The following PTPRO variants were observed in gnomAD, a reference collection of about 807,000 sequenced individuals.
PTPRO encodes the protein receptor-type tyrosine-protein phosphatase O.
PTPRO carries 62 observed loss-of-function variants against 145.2 expected under a neutral mutation model. That is an observed-to-expected ratio of 0.43 (90% CI 0.35 to 0.53). The LOEUF is 0.53. Ranked by LOEUF, PTPRO falls within the 20% of genes least tolerant of loss-of-function variation. The pLI, the probability that PTPRO is intolerant of heterozygous loss-of-function variation, is 0.01. For synonymous variants in PTPRO, 565 were observed against 514.7 expected (o/e 1.10, Z -1.32); for missense variants, 1,345 against 1,482.7 (o/e 0.91, Z 1.53).
chr12:15,458,699 C>A (rs575686950), intron 1 of PTPRO, among the ~76,000 whole-genome samples: 27 of 151,294 alleles, frequency 1.8e-4, no homozygotes, highest in African/African-American at 6.1e-4. Context: ...TCTTGGTAGT[C>A]TTTTTTAATG....
chr12:15,517,142 T>A lies in PTPRO; in HGVS notation c.1779+186T>A. On this transcript the variant is annotated intron_variant, in intron 9 of 26. Transcript: ENST00000281171. Reference sequence around the variant, plus strand: ...CTGAGCAATTTACAAAAGAAAGAAGTTTAATTGGACTTACAGTTCCACGTG... The same window carrying A: ...CTGAGCAATTTACAAAAGAAAGAAGATTAATTGGACTTACAGTTCCACGTG... 4.4e-6 allele frequency: 3 copies of A among 677,664 alleles called. No individual in the cohort carries two copies. In the Admixed American group the frequency reaches 7.2e-5, roughly 16 times the overall value. 42.0% of individuals were successfully genotyped at this position (677,664 alleles called of 1,614,324 possible).
intron 1 of PTPRO, among the ~76,000 whole-genome samples, chr12:15,391,353 C>A (rs1939184903): frequency 6.6e-6 from 1 of 152,196 alleles, no homozygotes; most frequent in Admixed American, 6.5e-5. Context: ...TATTTATAAT[C>A]TCCCTTCTTT....
intron 1 of PTPRO, among the ~76,000 whole-genome samples, chr12:15,326,347 C>G (rs1190779261): frequency 6.6e-6 from 1 of 152,192 alleles, no homozygotes; most frequent in Non-Finnish European, 1.5e-5. Flanking sequence ...TGTGACATCC[C>G]CAGTAGGTTG....
intron 12 of PTPRO, among the ~76,000 whole-genome samples, chr12:15,532,776 C>T (rs533243420): frequency 1.3e-5 from 2 of 152,300 alleles, no homozygotes; most frequent in South Asian, 4.1e-4. Context: ...ACTCTGACCT[C>T]TGTGGGTGTA....
At chr12:15,438,384 T>A (rs1182563774) in intron 1 of PTPRO, among the ~76,000 whole-genome samples, 1 of 151,728 alleles carries the variant, frequency 6.6e-6, no homozygotes, top group Non-Finnish European at 1.5e-5. Context: ...TCAGAAATAA[T>A]AAATAAAAAT....
At chr12:15,465,089 T>A (rs778501826) in intron 1 of PTPRO, among the ~76,000 whole-genome samples, 9 of 152,214 alleles carry the variant, frequency 5.9e-5, no homozygotes, top group Non-Finnish European at 1.0e-4. Context: ...ACAGCATGAT[T>A]TATATAAATG....
intron 12 of PTPRO, among the ~76,000 whole-genome samples, chr12:15,531,173 A>C (rs2136538425): frequency 6.6e-6 from 1 of 152,224 alleles, no homozygotes; most frequent in Admixed American, 6.5e-5. Context: ...GAACAAGAAA[A>C]CCTTAATGAA....
chr12:15,556,705 T>C lies in PTPRO; in HGVS notation c.2559-750T>C, dbSNP rs59592828. ...AAACAATCCACTTGATCCACTATCA[T>C]TGTAGGGAGGAAATCAAAATGCCAT... On this transcript the variant is annotated intron_variant, in intron 15 of 26. Transcript: ENST00000281171. Among the ~76,000 whole-genome samples the C allele has an allele frequency of 1.4e-3, 209 of 152,236 alleles. 2 individuals are homozygous for C. The East Asian group carries it at 0.038, about 28-fold the overall frequency.
In PTPRO at chr12:15,374,158, A is replaced by G. The variant is rs1044971449; in HGVS notation, c.75+51357A>G. Among the ~76,000 whole-genome samples, 4 of 152,326 alleles carry G rather than the reference A, an allele frequency of 2.6e-5. No homozygotes were observed. In the East Asian group the frequency reaches 5.8e-4, roughly 22 times the overall value. On this transcript the variant is annotated intron_variant, in intron 1 of 26. Transcript: ENST00000281171. ...TGGCACAGAAAAATTTCAAGGCAAG[A>G]GTAATATCCATAGGAAGCACTTAAC...
chr12:15,508,645 A>C lies in PTPRO; in HGVS notation c.1342A>C (p.Thr448Pro), dbSNP rs1439183075. 6.2e-7 allele frequency: 1 copy of C among 1,614,110 alleles called. No homozygotes were observed. ...GAGTGTCCACGTTTTAAGCTCAACC[A>C]CTGCCTTGATGTCCTGGACATCTTC... is the stretch of plus-strand genomic sequence containing the variant. ...HVSVHVLSST[T>P]ALMSWTSSQE... Residue 448 changes from threonine to proline, a missense_variant, in exon 7 of 27, where the codon ACT becomes CCT. Physicochemically the swap from Thr to Pro is conservative, Grantham distance 38 (BLOSUM62 -1). Coordinates refer to ENST00000281171, the MANE Select transcript of PTPRO (RefSeq NM_030667.3).
At chr12:15,471,084 A>G (rs1166206481) in intron 1 of PTPRO, among the ~76,000 whole-genome samples, 7 of 152,152 alleles carry the variant, frequency 4.6e-5, no homozygotes, top group Admixed American at 1.3e-4. Flanking sequence ...ACCAAACAAC[A>G]GGCAAAAGAG....
chr12:15,535,615 G>A (rs752213712), intron 12 of PTPRO, among the ~76,000 whole-genome samples: 6 of 152,226 alleles, frequency 3.9e-5, no homozygotes, highest in East Asian at 3.9e-4. Context: ...AATGTGACAC[G>A]CTTTATACAT....
chr12:15,526,010 A>G (rs1591686955), intron 11 of PTPRO, 132 bp from the exon 12 acceptor site: 41 of 1,168,224 alleles, frequency 3.5e-5, no homozygotes, highest in Admixed American at 1.2e-4. Context: ...TAACGTATCT[A>G]TAATATAATC....
chr12:15,430,000 A>G (rs931816436), intron 1 of PTPRO, among the ~76,000 whole-genome samples: 4 of 152,092 alleles, frequency 2.6e-5, no homozygotes, highest in Non-Finnish European at 5.9e-5. Context: ...TCAACTACCA[A>G]TTAGAGGAAA....
chr12:15,557,197 C>T (rs566813345), intron 15 of PTPRO, among the ~76,000 whole-genome samples: 15 of 152,198 alleles, frequency 9.9e-5, no homozygotes, highest in South Asian at 6.2e-4. Flanking sequence ...AGTGCCACCA[C>T]GCCTAGCTAA....
chr12:15,553,289 C>T (rs1943521236), intron 15 of PTPRO, among the ~76,000 whole-genome samples: 1 of 152,156 alleles, frequency 6.6e-6, no homozygotes, highest in African/African-American at 2.4e-5. Context: ...AGTAAAAGGA[C>T]TGCCCCTTAA....
At chr12:15,352,461 T>C (rs560406211) in intron 1 of PTPRO, among the ~76,000 whole-genome samples, 1 of 152,046 alleles carries the variant, frequency 6.6e-6, no homozygotes, top group South Asian at 2.1e-4. Flanking sequence ...CCATCTTGGC[T>C]AACACGGTGA....
chr12:15,564,476 G>A (rs1265203032), intron 17 of PTPRO, among the ~76,000 whole-genome samples: 1 of 152,162 alleles, frequency 6.6e-6, no homozygotes, highest in Non-Finnish European at 1.5e-5. Flanking sequence ...TCAGCCCTGG[G>A]GGGAAGCTAT....
At chr12:15,502,103 A>G (rs1565668344) in intron 5 of PTPRO, 40 bp downstream of exon 5, 7 of 1,539,604 alleles carry the variant, frequency 4.5e-6, no homozygotes, top group Non-Finnish European at 6.3e-6. Context: ...GAACTGATAC[A>G]AAGGAAGGGG....
Sources: allele counts gnomAD v4.1 joint callset (sites outside exome capture counted in the v4.1 genomes callset), GRCh38; gene constraint gnomAD v4.1.1; transcripts MANE v1.5; gene names NCBI Gene and HGNC (gene_info 2026-07-23, HGNC 2026-07-21).